The following SLC23A2 variants were observed in gnomAD, a reference collection of about 807,000 sequenced individuals.
The protein encoded by SLC23A2 is Na(+)/L-ascorbic acid transporter 2.
A neutral mutation model predicts 73.3 loss-of-function variants in SLC23A2; 36 were observed. The observed-to-expected ratio is 0.49, with a 90% CI of 0.38 to 0.65. SLC23A2 has a LOEUF of 0.65. SLC23A2 is among the 30% of genes least tolerant of loss of function. The pLI is 0.00. For missense variants in SLC23A2, 507 were observed against 841.6 expected, an observed-to-expected ratio of 0.60 and a Z score of 4.92; for synonymous variants, 343 against 327.3, an observed-to-expected ratio of 1.05 and a Z score of -0.52.
At chr20:4,912,838 G>T in intron 4 of SLC23A2, 42 bp downstream of exon 4, 4 of 1,242,472 alleles carry the variant, frequency 3.2e-6, no homozygotes, top group South Asian at 1.2e-5. Flanking sequence ...TGTGGGAGGG[G>T]ATGGCGGTGG....
intron 6 of SLC23A2, among the ~76,000 whole-genome samples, chr20:4,891,584 C>T (rs768309574): frequency 2.0e-5 from 3 of 152,188 alleles, no homozygotes; most frequent in Non-Finnish European, 4.4e-5. Context: ...ACCCCAAGCC[C>T]TGCTACACTC....
At chr20:4,966,805 G>GTTTGA (rs150238401) in intron 2 of SLC23A2, among the ~76,000 whole-genome samples, 59,332 of 136,546 alleles carry the variant, frequency 0.43, 12,377 homozygotes, top group Admixed American at 0.53. Flanking sequence ...ACTTTTGATA[G>GTTTGA]TTTTACACAC....
intron 2 of SLC23A2, among the ~76,000 whole-genome samples, chr20:4,935,668 G>A (rs1005178521): frequency 2.6e-5 from 4 of 151,938 alleles, no homozygotes; most frequent in Non-Finnish European, 5.9e-5. Context: ...GCGTGGTGGC[G>A]GGCGCCTGTA....
chr20:4,956,795 CTCT>C (rs1171452237), intron 2 of SLC23A2, among the ~76,000 whole-genome samples: 5 of 148,886 alleles, frequency 3.4e-5, no homozygotes, highest in Non-Finnish European at 7.4e-5. Context: ...TCTCCCTTCC[CTCT>C]TCTTTTTTTT....
At chr20:5,004,145 A>G (rs1481339343), upstream of SLC23A2, among the ~76,000 whole-genome samples, 1 of 152,140 alleles carries the variant, frequency 6.6e-6, no homozygotes, top group African/African-American at 2.4e-5. Context: ...ACTTGTAGAC[A>G]CATTTCCAAT....
chr20:4,996,713 C>A lies in SLC23A2; in HGVS notation c.-282+4693G>T, dbSNP rs940639810. On this transcript the variant is annotated intron_variant, in intron 1 of 16. Coordinates refer to ENST00000338244, the MANE Select transcript of SLC23A2 (RefSeq NM_005116.6). ...AAAAAAAAAAAAAAAAAAAAAACAA[C>A]AACTCATGAGTGAAGATTTTCCTGA... is the stretch of plus-strand genomic sequence containing the variant. Among the ~76,000 whole-genome samples, 679 of 120,090 alleles carry A rather than the reference C, an allele frequency of 5.7e-3. 1 individual carries two copies. The highest frequency in any genetic ancestry group is 0.018 in the African/African-American group (548 of 29,730). 78.8% of individuals were successfully genotyped at this position (120,090 alleles called of 152,430 possible). A position where few individuals can be genotyped will look rare whatever the true frequency, so the allele number is the denominator to read the frequency against.
chr20:5,005,997 G>A (rs1246790396), upstream of SLC23A2, among the ~76,000 whole-genome samples: 1 of 151,698 alleles, frequency 6.6e-6, no homozygotes, highest in Non-Finnish European at 1.5e-5. Context: ...AAAAAAAAAA[G>A]GTGACAGTAC....
chr20:4,861,327 C>T (rs890509061), intron 15 of SLC23A2, among the ~76,000 whole-genome samples: 8 of 152,088 alleles, frequency 5.3e-5, no homozygotes, highest in African/African-American at 1.9e-4. Flanking sequence ...GTACTAGATG[C>T]CATTGAACTG....
intron 1 of SLC23A2, among the ~76,000 whole-genome samples, chr20:4,985,042 C>G (rs2087801026): frequency 1.3e-5 from 2 of 150,280 alleles, no homozygotes; most frequent in African/African-American, 4.9e-5. Flanking sequence ...GAGGCTGAGG[C>G]AGGAGAATCA....
intron 1 of SLC23A2, among the ~76,000 whole-genome samples, chr20:4,984,906 A>G (rs776624458): frequency 4.6e-5 from 7 of 152,188 alleles, no homozygotes; most frequent in Non-Finnish European, 7.3e-5. Flanking sequence ...TGGGAGGCCA[A>G]TGCGGGCGGA....
chr20:4,980,022 A>G (rs1442654104), intron 1 of SLC23A2, among the ~76,000 whole-genome samples: 1 of 152,242 alleles, frequency 6.6e-6, no homozygotes, highest in African/African-American at 2.4e-5. Flanking sequence ...AAATGGCCAA[A>G]AGAATCATTA....
intron 3 of SLC23A2, among the ~76,000 whole-genome samples, chr20:4,922,905 C>CTA (rs895131579): frequency 1.3e-5 from 2 of 151,640 alleles, no homozygotes; most frequent in Non-Finnish European, 2.9e-5. Context: ...CGTAAGCCTG[C>CTA]TATAGTAAGA....
At chr20:4,948,549 A>C (rs2087151930) in intron 2 of SLC23A2, among the ~76,000 whole-genome samples, 1 of 152,252 alleles carries the variant, frequency 6.6e-6, no homozygotes, top group South Asian at 2.1e-4. Flanking sequence ...TAAGGGCTGA[A>C]GAGTGGGTTT....
Position 4,899,472 on chromosome 20 carries a change from T to C in SLC23A2, c.482+83A>G, listed in dbSNP as rs1275943102. ...TCCATTCTGTCCTTGCCAACAGCCC[T>C]AGGCAAACGGCGCAGCTCAATGCCT... On this transcript the variant is annotated intron_variant, in intron 6 of 16. Transcript: ENST00000338244. This position sits in a 1 kb window ranked among gnomAD's most constrained non-coding sequence, Gnocchi z 4.9. 86 of 1,521,732 alleles carry C rather than the reference T, an allele frequency of 5.7e-5. No homozygotes were observed. The East Asian group carries it at 7.7e-4, about 14-fold the overall frequency. 94.3% of individuals were successfully genotyped at this position (1,521,732 alleles called of 1,614,324 possible).
Position 4,861,978 on chromosome 20 carries a change from T to C in SLC23A2, c.1594A>G (p.Ser532Gly), listed in dbSNP as rs1327987968. Reference sequence around the variant, plus strand: ...ACCAGAGGGTTCTGTCTGAGGTAACTTGGAAGGACGAGCCCAAAGAAGATC... The same window carrying C: ...ACCAGAGGGTTCTGTCTGAGGTAACCTGGAAGGACGAGCCCAAAGAAGATC... ...FSIFFGLVLP[S>G]YLRQNPLVTG... The change falls in exon 15 of 17, where the codon AGT becomes GGT. Residue 532 changes from serine (S) to glycine (G), a missense_variant. Ser to Gly is a moderately conservative substitution (Grantham distance 56). Transcript: ENST00000338244. The C allele has an allele frequency of 1.2e-6, 2 of 1,614,160 alleles. No individual in the cohort carries two copies. The highest frequency in any genetic ancestry group is 1.7e-6 in the Non-Finnish European group (2 of 1,180,034).
chr20:4,923,091 G>A (rs1416415664), intron 3 of SLC23A2, among the ~76,000 whole-genome samples: 4 of 151,866 alleles, frequency 2.6e-5, no homozygotes, highest in Non-Finnish European at 1.5e-5. Context: ...CAAAACCAGA[G>A]GAAAAAAAAT....
chr20:4,956,089 C>G (rs907158223), intron 2 of SLC23A2, among the ~76,000 whole-genome samples: 12 of 152,080 alleles, frequency 7.9e-5, no homozygotes, highest in African/African-American at 2.9e-4. Flanking sequence ...AAGAAAAAAA[C>G]TTTTAATTCT....
chr20:4,980,988 T>C (rs76164996), intron 1 of SLC23A2, among the ~76,000 whole-genome samples: 2,644 of 152,342 alleles, frequency 0.017, 66 homozygotes, highest in African/African-American at 0.053. Flanking sequence ...ACCTTAGTTC[T>C]AACCAATAGC....
At chr20:4,933,504 C>T (rs1191319687) in intron 2 of SLC23A2, among the ~76,000 whole-genome samples, 1 of 151,948 alleles carries the variant, frequency 6.6e-6, no homozygotes, top group Non-Finnish European at 1.5e-5. Context: ...TGGTGCACGC[C>T]TGTAATCCCA....
Sources: allele counts gnomAD v4.1 joint callset (sites outside exome capture counted in the v4.1 genomes callset), GRCh38; gene constraint gnomAD v4.1.1; non-coding constraint Gnocchi (gnomAD v3.1); transcripts MANE v1.5; gene names NCBI Gene and HGNC (gene_info 2026-07-23, HGNC 2026-07-21).